TSHZ2: variants seen among roughly 807,000 people sequenced by gnomAD.
The protein encoded by TSHZ2 is teashirt homolog 2.
A neutral mutation model predicts 74.4 loss-of-function variants in TSHZ2; 21 were observed. That is an observed-to-expected ratio of 0.28 (90% CI 0.20 to 0.41). The LOEUF (loss-of-function observed/expected upper bound fraction) is 0.41. Ranked by LOEUF, TSHZ2 falls within the 10% of genes least tolerant of loss-of-function variation. The probability of loss-of-function intolerance (pLI) is 1.00; values close to 1 mark genes in which losing one functional copy is unlikely to be tolerated. For missense variants in TSHZ2, 1,244 were observed against 1,293.5 expected (o/e 0.96, Z 0.59); for synonymous variants, 540 against 515.3 (o/e 1.05, Z -0.65).
chr20:53,164,335 T>C (rs2123470866), intron 1 of TSHZ2, among the ~76,000 whole-genome samples: 1 of 152,302 alleles, frequency 6.6e-6, no homozygotes, highest in Admixed American at 6.5e-5. Flanking sequence ...ACCTTTGCCT[T>C]TTATTTTGAT....
intron 1 of TSHZ2, chr20:53,208,519 C>T (rs1166000979): frequency 6.6e-6 from 1 of 152,330 alleles, no homozygotes; most frequent in South Asian, 2.1e-4. Flanking sequence ...ATCAAACCCT[C>T]CGAGAGCACA....
At chr20:53,274,010 G>C (rs572002325) in intron 2 of TSHZ2, among the ~76,000 whole-genome samples, 46 of 152,334 alleles carry the variant, frequency 3.0e-4, no homozygotes, top group Middle Eastern at 3.4e-3. Flanking sequence ...GCCGGGCGCA[G>C]TGACTCACAC....
intron 1 of TSHZ2, among the ~76,000 whole-genome samples, chr20:53,140,367 T>C (rs924605073): frequency 2.4e-4 from 37 of 151,568 alleles, no homozygotes; most frequent in East Asian, 1.9e-4. Flanking sequence ...GGTGAAACCC[T>C]GTCTCTACTA....
rs141951658 is a variant in TSHZ2 at position 53,067,505 on chromosome 20, C to T, written c.40+94172C>T. Among the ~76,000 whole-genome samples the T allele has an allele frequency of 1.1e-3, 167 of 152,316 alleles. No individual in the cohort carries two copies. The Middle Eastern group carries it at 0.017, about 16-fold the overall frequency. ...AGTAACCTTTCTCTTTCTAGCCCTC[C>T]TGGGCAGTGCAGCCAAGTCCTCATC... On this transcript the variant is annotated intron_variant, in intron 1 of 2. Coordinates refer to ENST00000371497, the MANE Select transcript of TSHZ2 (RefSeq NM_173485.6).
chr20:53,214,497 C>G (rs912212114), intron 1 of TSHZ2, among the ~76,000 whole-genome samples: 1 of 152,134 alleles, frequency 6.6e-6, no homozygotes, highest in Non-Finnish European at 1.5e-5. Flanking sequence ...CTTGAACTGG[C>G]CAATATCGTG....
Position 53,067,010 on chromosome 20 carries a change from T to G in TSHZ2, c.40+93677T>G, listed in dbSNP as rs570272537. Among the ~76,000 whole-genome samples the G allele has an allele frequency of 2.6e-5, 4 of 152,334 alleles. No homozygotes were observed. The East Asian group carries it at 7.7e-4, about 29-fold the overall frequency. ...AAAAATATTATCCACCAACAATGTT[T>G]AGAACATTACCCAGAAAGGTAGATT... On this transcript the variant is annotated intron_variant, in intron 1 of 2. Transcript: ENST00000371497.
chr20:53,261,937 C>T (rs1298257453), intron 2 of TSHZ2, among the ~76,000 whole-genome samples: 1 of 152,140 alleles, frequency 6.6e-6, no homozygotes, highest in South Asian at 2.1e-4. Flanking sequence ...TAAATTGTGT[C>T]ATTAGCTTAG....
rs750849648 is a variant in TSHZ2, at chr20:53,255,546, C to A, written c.2088C>A (p.Ser696Arg). 1.9e-6 allele frequency: 3 copies of A among 1,584,848 alleles called. No individual in the cohort carries two copies. The highest frequency in any genetic ancestry group is 2.6e-6 in the Non-Finnish European group (3 of 1,167,192). Reference protein sequence around the residue: ...APALPCINPLSALQSVLNNHL... With the variant: ...APALPCINPLRALQSVLNNHL... ...CCCTGCCATGCATCAACCCACTCAG[C>A]GCCCTGCAGTCCGTCCTGAACAATC... The change falls in exon 2 of 3, where the codon AGC becomes AGA. Residue 696 changes from serine (S) to arginine (R), a missense_variant. Physicochemically the swap from Ser to Arg is moderately radical, Grantham distance 110 (BLOSUM62 -1). Coordinates refer to ENST00000371497, the MANE Select transcript of TSHZ2 (RefSeq NM_173485.6). This position sits in a 1 kb window ranked among gnomAD's most constrained non-coding sequence, Gnocchi z 4.1.
intron 2 of TSHZ2, among the ~76,000 whole-genome samples, chr20:53,270,671 C>CAA (rs974141125): frequency 7.2e-6 from 1 of 138,106 alleles, no homozygotes; most frequent in Non-Finnish European, 1.5e-5. Context: ...GCCTCCCCCC[C>CAA]AAAAAAAGCT....
At chr20:53,344,699 G>T (rs1980366482) in intron 2 of TSHZ2, among the ~76,000 whole-genome samples, 1 of 152,074 alleles carries the variant, frequency 6.6e-6, no homozygotes, top group South Asian at 2.1e-4. Context: ...AATTCCAACT[G>T]GGTATGTTAA....
intron 2 of TSHZ2, among the ~76,000 whole-genome samples, chr20:53,281,973 AGAG>A (rs1223626571): frequency 6.6e-6 from 1 of 152,220 alleles, no homozygotes; most frequent in African/African-American, 2.4e-5. Flanking sequence ...CATCCCCAGA[AGAG>A]AGCTGCAGGT....
At chr20:53,365,983 G>C (rs1981243584) in intron 2 of TSHZ2, among the ~76,000 whole-genome samples, 1 of 152,170 alleles carries the variant, frequency 6.6e-6, no homozygotes, top group African/African-American at 2.4e-5. Flanking sequence ...AGATTGTTTA[G>C]GCTCAAAGCC....
intron 2 of TSHZ2, among the ~76,000 whole-genome samples, chr20:53,480,055 T>C (rs1473614012): frequency 7.3e-6 from 1 of 137,586 alleles, no homozygotes; most frequent in Non-Finnish European, 1.5e-5. Flanking sequence ...ATGGACAACA[T>C]AACCCAGGTT....
At chr20:53,202,661 A>G (rs899459067) in intron 1 of TSHZ2, among the ~76,000 whole-genome samples, 1 of 152,198 alleles carries the variant, frequency 6.6e-6, no homozygotes, top group African/African-American at 2.4e-5. Flanking sequence ...CAGAGGATAC[A>G]TTTCAGAAAT....
chr20:53,257,078 T>C (rs1196507474), intron 2 of TSHZ2, among the ~76,000 whole-genome samples: 2 of 152,226 alleles, frequency 1.3e-5, no homozygotes, highest in Non-Finnish European at 2.9e-5. Flanking sequence ...TAAAGTTGTC[T>C]TTATGATTGT....
chr20:53,057,876 A>G (rs1444422281), intron 1 of TSHZ2, among the ~76,000 whole-genome samples: 1 of 152,216 alleles, frequency 6.6e-6, no homozygotes, highest in Non-Finnish European at 1.5e-5. Flanking sequence ...GGACATGGAC[A>G]GAAATGGGGT....
At chr20:53,315,853 C>T (rs1028336525) in intron 2 of TSHZ2, among the ~76,000 whole-genome samples, 17 of 152,118 alleles carry the variant, frequency 1.1e-4, no homozygotes, top group African/African-American at 3.6e-4. Context: ...TAGGGGCCTA[C>T]GTTGGTATGA....
At chr20:53,294,148 G>GGGGCTGGATCTT (rs71894261) in intron 2 of TSHZ2, among the ~76,000 whole-genome samples, 108,203 of 151,598 alleles carry the variant, frequency 0.71, 38,818 homozygotes, top group Middle Eastern at 0.83. Flanking sequence ...TGAGCTAGGA[G>GGGGCTGGATCTT]GGGCTGGATC....
At chr20:53,332,723 T>C (rs1369222769) in intron 2 of TSHZ2, among the ~76,000 whole-genome samples, 1 of 152,156 alleles carries the variant, frequency 6.6e-6, no homozygotes, top group Admixed American at 6.5e-5. Flanking sequence ...ACCAACTTTT[T>C]CCTTTTCTTG....
Sources: allele counts gnomAD v4.1 joint callset (sites outside exome capture counted in the v4.1 genomes callset), GRCh38; gene constraint gnomAD v4.1.1; non-coding constraint Gnocchi (gnomAD v3.1); transcripts MANE v1.5; gene names NCBI Gene and HGNC (gene_info 2026-07-23, HGNC 2026-07-21).